Variants in PDXDC1 observed in about 807,000 individuals in gnomAD.
PDXDC1 encodes pyridoxal dependent decarboxylase domain containing 1, also known as pyridoxal-dependent decarboxylase domain-containing protein 1.
A neutral mutation model predicts 100.1 loss-of-function variants in PDXDC1; 42 were observed. That is an observed-to-expected ratio of 0.42 (90% CI 0.33 to 0.54). PDXDC1 has a LOEUF of 0.54. PDXDC1 is among the 20% of genes least tolerant of loss of function. The pLI, the probability that PDXDC1 is intolerant of heterozygous loss-of-function variation, is 0.10. For missense variants in PDXDC1, 636 were observed against 979.2 expected, an observed-to-expected ratio of 0.65 and a Z score of 4.68; for synonymous variants, 260 against 371.7, an observed-to-expected ratio of 0.70 and a Z score of 3.46.
chr16:15,003,505 T>TG (rs1973628311), intron 4 of PDXDC1, among the ~76,000 whole-genome samples: 1 of 152,208 alleles, frequency 6.6e-6, no homozygotes, highest in African/African-American at 2.4e-5. Flanking sequence ...CATGAGCCAC[T>TG]GCGCCTGGCC....
At chr16:14,996,090 C>G (rs1971896608) in intron 1 of PDXDC1, among the ~76,000 whole-genome samples, 1 of 152,278 alleles carries the variant, frequency 6.6e-6, no homozygotes, top group African/African-American at 2.4e-5. Flanking sequence ...GAGTTAGAAG[C>G]CCCAACTGCT....
chr16:15,045,201 G>A (rs1193063913), intron 16 of PDXDC1: 1 of 152,438 alleles, frequency 6.6e-6, no homozygotes, highest in African/African-American at 2.4e-5. Flanking sequence ...GGAAGCTGAG[G>A]CAGGAGAATT....
chr16:15,146,656 C>T, the PDXDC1 span, among the ~76,000 whole-genome samples: 1 of 152,174 alleles, frequency 6.6e-6, no homozygotes, highest in Non-Finnish European at 1.5e-5. Context: ...GCTGCACTGG[C>T]TCCCGTCGTC....
At chr16:15,059,573 A>T (rs2044640366) in intron 16 of PDXDC1, among the ~76,000 whole-genome samples, 1 of 152,164 alleles carries the variant, frequency 6.6e-6, no homozygotes, top group African/African-American at 2.4e-5. Flanking sequence ...GGCACTTGGT[A>T]AGTTGACTTG....
chr16:15,051,261 C>T (rs2044279832), intron 16 of PDXDC1, among the ~76,000 whole-genome samples: 1 of 152,240 alleles, frequency 6.6e-6, no homozygotes, highest in Admixed American at 6.5e-5. Flanking sequence ...TGTCTCTCTT[C>T]AACACAGCTC....
chr16:14,989,229 A>G (rs1970125273), intron 1 of PDXDC1: 1 of 1,614,228 alleles, frequency 6.2e-7, no homozygotes, highest in African/African-American at 1.3e-5. Context: ...CAAGTCCTGC[A>G]GCGCCTTGAG....
chr16:15,011,963 C>T (rs1292822084), intron 8 of PDXDC1, among the ~76,000 whole-genome samples: 1 of 152,274 alleles, frequency 6.6e-6, no homozygotes, highest in Admixed American at 6.5e-5. Flanking sequence ...CACACTCAGC[C>T]AGCCACTGTC....
At chr16:15,126,284 G>C (rs1346673284) in intron 16 of PDXDC1, among the ~76,000 whole-genome samples, 2 of 134,332 alleles carry the variant, frequency 1.5e-5, no homozygotes, top group South Asian at 2.7e-4. Flanking sequence ...TGATCTGCCC[G>C]CCTCCGCCTC....
intron 16 of PDXDC1, among the ~76,000 whole-genome samples, chr16:15,075,576 T>C (rs565727200): frequency 9.2e-6 from 1 of 108,934 alleles, no homozygotes; most frequent in African/African-American, 2.8e-5. Context: ...CTGTCTCAAA[T>C]TAAAAAAGAA....
chr16:15,044,688 A>G, intron 16 of PDXDC1: 1 of 501,068 alleles, frequency 2.0e-6, no homozygotes, highest in Non-Finnish European at 3.6e-6. Context: ...TTGCTCTGGA[A>G]GAGCACAGGC....
At chr16:15,058,714 G>A (rs1242372295) in intron 16 of PDXDC1, among the ~76,000 whole-genome samples, 1 of 152,248 alleles carries the variant, frequency 6.6e-6, no homozygotes, top group Non-Finnish European at 1.5e-5. Context: ...CTGGGTGACA[G>A]AGTGAGACTC....
At chr16:15,062,560 G>A (rs1159561759) in intron 16 of PDXDC1, among the ~76,000 whole-genome samples, 1 of 152,158 alleles carries the variant, frequency 6.6e-6, no homozygotes, top group African/African-American at 2.4e-5. Context: ...TCCACCTCAT[G>A]TGACCTGGAG....
At chr16:15,041,006 A>C, downstream of PDXDC1, 1 of 1,155,002 alleles carries the variant, frequency 8.7e-7, no homozygotes, top group South Asian at 1.2e-5. Context: ...TGGTTTGCTG[A>C]ATTAGACTTT....
rs2047882452 is a variant in PDXDC1 at position 15,128,565 on chromosome 16, A to G, written c.1400-10314A>G. On this transcript the variant is annotated intron_variant, in intron 16 of 16. Transcript: ENST00000535621. ...GAGGTTACTGCAATTTGTCCAATAA[A>G]CAGCAGGACCTCAAGGACATGATTA... Among the ~76,000 whole-genome samples, 3 of 152,130 alleles carry G rather than the reference A, an allele frequency of 2.0e-5. No homozygotes were observed. The South Asian group carries it at 6.2e-4, about 31-fold the overall frequency.
chr16:14,994,743 T>C (rs1431237074), intron 1 of PDXDC1, among the ~76,000 whole-genome samples: 1 of 152,304 alleles, frequency 6.6e-6, no homozygotes, highest in African/African-American at 2.4e-5. Context: ...TGTGGCCGTT[T>C]TCACGATATT....
chr16:15,049,637 A>G (rs1387031068), intron 16 of PDXDC1, among the ~76,000 whole-genome samples: 1 of 149,710 alleles, frequency 6.7e-6, no homozygotes, highest in African/African-American at 2.5e-5. Flanking sequence ...TGTTGGCCAC[A>G]CTGGTATCAA....
At chr16:15,112,091 A>AG (rs1472258813) in intron 16 of PDXDC1, among the ~76,000 whole-genome samples, 7 of 147,862 alleles carry the variant, frequency 4.7e-5, no homozygotes, top group East Asian at 1.9e-4. Flanking sequence ...ATTCCCACCA[A>AG]ATTTCCATAT....
intron 4 of PDXDC1, 127 bp downstream of exon 4, chr16:15,001,983 CT>C (rs1973261377): frequency 1.3e-6 from 1 of 764,246 alleles, no homozygotes; most frequent in Non-Finnish European, 2.1e-6. Flanking sequence ...TAAAATAATC[CT>C]TTTTATTTTC....
chr16:15,051,219 T>A (rs2044278698), intron 16 of PDXDC1, among the ~76,000 whole-genome samples: 1 of 152,252 alleles, frequency 6.6e-6, no homozygotes, highest in South Asian at 2.1e-4. Flanking sequence ...TTGTGAGAAA[T>A]TAATTACTGC....
Sources: allele counts gnomAD v4.1 joint callset (sites outside exome capture counted in the v4.1 genomes callset), GRCh38; gene constraint gnomAD v4.1.1; transcripts MANE v1.5; gene names NCBI Gene and HGNC (gene_info 2026-07-23, HGNC 2026-07-21).